Variants in MAN1A2 observed in about 807,000 individuals in gnomAD.
The protein encoded by MAN1A2 is mannosidase alpha class 1A member 2, also known as mannosyl-oligosaccharide 1,2-alpha-mannosidase IB.
Under a neutral mutation model 75.7 loss-of-function variants are expected in MAN1A2, and 26 were observed. The ratio of observed to expected loss-of-function variants is 0.34; its 90% confidence interval spans 0.25 to 0.48. The LOEUF is 0.48. Ranked by LOEUF, MAN1A2 falls within the 20% of genes least tolerant of loss-of-function variation. The pLI, the probability that MAN1A2 is intolerant of heterozygous loss-of-function variation, is 0.99. For synonymous variants in MAN1A2, 247 were observed against 264.6 expected, an observed-to-expected ratio of 0.93 and a Z score of 0.65; for missense variants, 562 against 775.5, an observed-to-expected ratio of 0.72 and a Z score of 3.27.
At chr1:117,485,214 T>C (rs1394688301) in intron 8 of MAN1A2, among the ~76,000 whole-genome samples, 1 of 151,902 alleles carries the variant, frequency 6.6e-6, no homozygotes, top group Non-Finnish European at 1.5e-5. Context: ...GGACAAACAA[T>C]GGGAGCAGAT....
chr1:117,477,898 C>T (rs542642980), intron 8 of MAN1A2, among the ~76,000 whole-genome samples: 1 of 152,144 alleles, frequency 6.6e-6, no homozygotes, highest in East Asian at 1.9e-4. Flanking sequence ...CGCCTCAGCC[C>T]AAAATCTCCT....
intron 12 of MAN1A2, among the ~76,000 whole-genome samples, chr1:117,512,159 G>T (rs1341769619): frequency 6.6e-6 from 1 of 152,064 alleles, no homozygotes. Context: ...ATGAGTCAAA[G>T]AATTGATAAA....
chr1:117,392,077 C>T (rs1459712184), intron 1 of MAN1A2, among the ~76,000 whole-genome samples: 1 of 152,116 alleles, frequency 6.6e-6, no homozygotes, highest in Non-Finnish European at 1.5e-5. Context: ...TATCCCCTCC[C>T]TTTCTACTCC....
At position 117,526,880 on chromosome 1, in the gene MAN1A2, C is replaced by CTCTCTCTCTATATATATATA; in HGVS notation, c.*3924_*3925insCTCTCTCTATATATATATAT. On this transcript the variant is annotated 3_prime_UTR_variant, in exon 13 of 13. Coordinates refer to ENST00000356554, the MANE Select transcript of MAN1A2 (RefSeq NM_006699.5). ...TCTCTCTCTCTCTCTCTCTCTCTCT[C>CTCTCTCTCTATATATATATA]TATATATATATATATATATATATAT... The CTCTCTCTCTATATATATATA allele has an allele frequency of 4.6e-4, 25 of 54,514 alleles. No individual in the cohort carries two copies. Among genetic ancestry groups the CTCTCTCTCTATATATATATA allele is most frequent in the Admixed American group, 1.2e-3 (5 of 4,176 alleles). 3.4% of individuals were successfully genotyped at this position (54,514 alleles called of 1,614,324 possible).
At chr1:117,378,129 TAAA>T (rs1428421891) in intron 1 of MAN1A2, among the ~76,000 whole-genome samples, 1 of 151,948 alleles carries the variant, frequency 6.6e-6, no homozygotes, top group Non-Finnish European at 1.5e-5. Flanking sequence ...AATAAATAAA[TAAA>T]AAAGTTATAA....
chr1:117,462,781 C>T (rs1158150894), intron 7 of MAN1A2, among the ~76,000 whole-genome samples: 2 of 152,056 alleles, frequency 1.3e-5, no homozygotes, highest in East Asian at 3.9e-4. Flanking sequence ...CCCCTTGACT[C>T]TGATTTAGTT....
chr1:117,458,521 A>ATTTTTT (rs1409683905), intron 6 of MAN1A2, among the ~76,000 whole-genome samples: 1 of 94,334 alleles, frequency 1.1e-5, no homozygotes, highest in African/African-American at 4.0e-5. Context: ...AGATATATAT[A>ATTTTTT]TATTTTTTTT....
At position 117,401,808 on chromosome 1, in the gene MAN1A2, CTTATTTTTTTCTT is replaced by C. The variant is rs372761932; in HGVS notation, c.303-376_303-364del. ...ACTTCCTGTTCTCTTATCTTTTCCT[CTTATTTTTTTCTT>C]TGGCCTTATGTTTATATTTTTGTCT... On this transcript the variant is annotated intron_variant, in intron 1 of 12. Transcript: ENST00000356554. Among the ~76,000 whole-genome samples, 1,196 of 152,188 alleles carry C rather than the reference CTTATTTTTTTCTT, an allele frequency of 7.9e-3. 11 individuals are homozygous for C. Among genetic ancestry groups the C allele is most frequent in the African/African-American group, 0.027 (1,125 of 41,532 alleles).
intron 12 of MAN1A2, among the ~76,000 whole-genome samples, chr1:117,519,576 A>G (rs1488157023): frequency 6.6e-6 from 1 of 152,068 alleles, no homozygotes; most frequent in African/African-American, 2.4e-5. Flanking sequence ...TAGAAAACCT[A>G]GAAGAGATGG....
intron 6 of MAN1A2, among the ~76,000 whole-genome samples, chr1:117,453,525 C>G (rs1162488977): frequency 1.3e-5 from 2 of 152,100 alleles, no homozygotes; most frequent in African/African-American, 4.8e-5. Context: ...AGCAAGAGAA[C>G]CAGAATTAGA....
At chr1:117,382,082 G>A (rs373355655) in intron 1 of MAN1A2, among the ~76,000 whole-genome samples, 2,513 of 152,026 alleles carry the variant, frequency 0.017, 24 homozygotes, top group East Asian at 0.054. Context: ...CTGGATATTA[G>A]CCCTTTGTCA....
At chr1:117,442,363 T>C in intron 6 of MAN1A2, 38 bp downstream of exon 6, 1 of 1,378,520 alleles carries the variant, frequency 7.3e-7, no homozygotes. Flanking sequence ...GGAAGAATTA[T>C]TTTGACCTTT....
chr1:117,376,498 G>A (rs922541320), intron 1 of MAN1A2, among the ~76,000 whole-genome samples: 2 of 152,222 alleles, frequency 1.3e-5, no homozygotes, highest in Non-Finnish European at 2.9e-5. Flanking sequence ...CGCCCAGAGA[G>A]TAAAGCCATG....
At chr1:117,452,229 C>A (rs903157971) in intron 6 of MAN1A2, among the ~76,000 whole-genome samples, 1 of 150,964 alleles carries the variant, frequency 6.6e-6, no homozygotes, top group South Asian at 2.1e-4. Context: ...ATCACTTGAA[C>A]CTGGGAGGCG....
intron 7 of MAN1A2, among the ~76,000 whole-genome samples, chr1:117,463,756 A>G (rs1474406814): frequency 6.6e-6 from 1 of 152,190 alleles, no homozygotes; most frequent in African/African-American, 2.4e-5. Flanking sequence ...CATAATAGAA[A>G]TTAAATTTAA....
intron 5 of MAN1A2, among the ~76,000 whole-genome samples, chr1:117,423,379 G>A (rs1648259530): frequency 6.6e-6 from 1 of 151,858 alleles, no homozygotes; most frequent in South Asian, 2.1e-4. Flanking sequence ...TTTCCTTTTT[G>A]TATAAATTTT....
At chr1:117,454,578 GA>G (rs1649520933) in intron 6 of MAN1A2, among the ~76,000 whole-genome samples, 1 of 152,120 alleles carries the variant, frequency 6.6e-6, no homozygotes, top group African/African-American at 2.4e-5. Flanking sequence ...AAAGCTTAGA[GA>G]ATTTATTGCC....
At chr1:117,452,963 A>G (rs2101826574) in intron 6 of MAN1A2, among the ~76,000 whole-genome samples, 1 of 152,302 alleles carries the variant, frequency 6.6e-6, no homozygotes, top group Non-Finnish European at 1.5e-5. Flanking sequence ...GCTAGTTCTC[A>G]TTTACTGTTC....
chr1:117,379,879 C>T (rs1249140796), intron 1 of MAN1A2, among the ~76,000 whole-genome samples: 2 of 152,078 alleles, frequency 1.3e-5, no homozygotes, highest in Middle Eastern at 3.2e-3. Context: ...TTTGTTTATA[C>T]ATTAATCTGC....
Sources: allele counts gnomAD v4.1 joint callset (sites outside exome capture counted in the v4.1 genomes callset), GRCh38; gene constraint gnomAD v4.1.1; transcripts MANE v1.5; gene names NCBI Gene and HGNC (gene_info 2026-07-23, HGNC 2026-07-21).